Variants in CACNB4 observed in about 807,000 individuals in gnomAD.
The protein encoded by CACNB4 is voltage-dependent L-type calcium channel subunit beta-4.
A neutral mutation model predicts 71.2 loss-of-function variants in CACNB4; 32 were observed. The ratio of observed to expected loss-of-function variants is 0.45; its 90% confidence interval spans 0.34 to 0.60. The LOEUF (loss-of-function observed/expected upper bound fraction) is 0.60, where lower values mean the gene tolerates loss of function less well. CACNB4 is among the 20% of genes least tolerant of loss of function. The probability of loss-of-function intolerance (pLI) is 0.01; values close to 1 mark genes in which losing one functional copy is unlikely to be tolerated. For missense variants in CACNB4, 464 were observed against 647.9 expected, an observed-to-expected ratio of 0.72 and a Z score of 3.08; for synonymous variants, 231 against 236.9, an observed-to-expected ratio of 0.97 and a Z score of 0.23.
intron 2 of CACNB4, among the ~76,000 whole-genome samples, chr2:151,939,022 G>A (rs959227583): frequency 1.1e-4 from 17 of 152,176 alleles, no homozygotes; most frequent in African/African-American, 3.1e-4. Context: ...GTACTCCTAT[G>A]AGAATCAAAA....
intron 2 of CACNB4, among the ~76,000 whole-genome samples, chr2:151,938,274 C>A (rs2099863421): frequency 6.6e-6 from 1 of 152,190 alleles, no homozygotes; most frequent in South Asian, 2.1e-4. Context: ...AGCCACCTGG[C>A]CAACTATGTC....
At chr2:151,875,836 T>G (rs535596335) in intron 5 of CACNB4, among the ~76,000 whole-genome samples, 2 of 126,916 alleles carry the variant, frequency 1.6e-5, no homozygotes, top group East Asian at 5.5e-4. Flanking sequence ...GCGTCTCGCC[T>G]GGCGGGGGGC....
chr2:151,853,845 G>A (rs1227772213), intron 11 of CACNB4: 1 of 232,078 alleles, frequency 4.3e-6, no homozygotes, highest in Non-Finnish European at 8.3e-6. Context: ...GGAGTGGACT[G>A]TACCAGGTCA....
At chr2:151,977,398 C>T (rs1387518617) in intron 2 of CACNB4, among the ~76,000 whole-genome samples, 1 of 152,152 alleles carries the variant, frequency 6.6e-6, no homozygotes, top group East Asian at 1.9e-4. Context: ...AATGGCATGT[C>T]CCTCAACAAA....
chr2:151,940,078 T>C (rs769665491), intron 2 of CACNB4, among the ~76,000 whole-genome samples: 1 of 152,240 alleles, frequency 6.6e-6, no homozygotes, highest in Non-Finnish European at 1.5e-5. Context: ...TTAGTTTATC[T>C]ACATGATTGG....
intron 2 of CACNB4, among the ~76,000 whole-genome samples, chr2:151,963,732 C>A (rs1249101023): frequency 6.6e-6 from 1 of 152,082 alleles, no homozygotes; most frequent in Non-Finnish European, 1.5e-5. Context: ...TTCTAAGAAG[C>A]TGTTTTGGAG....
intron 12 of CACNB4, among the ~76,000 whole-genome samples, chr2:151,847,099 CA>C (rs397766580): frequency 0.055 from 4,405 of 79,768 alleles, 57 homozygotes; most frequent in African/African-American, 0.069. Context: ...AAACTGACAC[CA>C]AAAAAAAAAA....
At chr2:152,042,292 C>T (rs111835388) in intron 2 of CACNB4, among the ~76,000 whole-genome samples, 5 of 152,226 alleles carry the variant, frequency 3.3e-5, no homozygotes, top group Non-Finnish European at 7.3e-5. Context: ...ACCCTAGGAA[C>T]GCTTTCCAAT....
chr2:151,913,924 A>G (rs1287877697), intron 2 of CACNB4, among the ~76,000 whole-genome samples: 1 of 151,858 alleles, frequency 6.6e-6, no homozygotes, highest in Non-Finnish European at 1.5e-5. Context: ...CTTCATTTCA[A>G]CCTTGGAGAA....
intron 2 of CACNB4, among the ~76,000 whole-genome samples, chr2:152,056,072 GA>G (rs1169575393): frequency 3.3e-5 from 5 of 152,166 alleles, no homozygotes; most frequent in Non-Finnish European, 7.4e-5. Flanking sequence ...TTAGAAATTA[GA>G]TATTTTCGGC....
intron 2 of CACNB4, among the ~76,000 whole-genome samples, chr2:152,069,837 C>CTT (rs70974819): frequency 9.8e-4 from 97 of 98,654 alleles, no homozygotes; most frequent in Non-Finnish European, 1.3e-3. Context: ...CTTCATCAAT[C>CTT]TTTTTTTTTT....
intron 2 of CACNB4, among the ~76,000 whole-genome samples, chr2:152,029,669 C>T (rs1397697728): frequency 6.6e-6 from 1 of 152,028 alleles, no homozygotes; most frequent in Non-Finnish European, 1.5e-5. Context: ...GAAATCCTAA[C>T]CCCCACGGTG....
In CACNB4 at chr2:151,885,379, C is replaced by G. The variant is rs1206722164; in HGVS notation, c.148-2009G>C. Among the ~76,000 whole-genome samples the G allele has an allele frequency of 2.6e-5, 4 of 152,188 alleles. No individual in the cohort carries two copies. In the East Asian group the frequency reaches 7.7e-4, roughly 29 times the overall value. On this transcript the variant is annotated intron_variant, in intron 2 of 13. Coordinates refer to ENST00000539935, the MANE Select transcript of CACNB4 (RefSeq NM_000726.5). ...ACTTTATCTCACTGAATCCTTGCAG[C>G]AGTGGGAAGGCTGAGACTCAAACTC...
intron 4 of CACNB4, among the ~76,000 whole-genome samples, chr2:151,878,974 A>C (rs1219738322): frequency 5.9e-5 from 9 of 152,184 alleles, no homozygotes; most frequent in Non-Finnish European, 2.9e-5. Flanking sequence ...AACCTTGAAC[A>C]ATCTAGGTCT....
chr2:152,027,447 T>G (rs1393526379), intron 2 of CACNB4, among the ~76,000 whole-genome samples: 1 of 152,126 alleles, frequency 6.6e-6, no homozygotes, highest in East Asian at 1.9e-4. Context: ...CAAGTTATGG[T>G]CAGGAAAGCC....
At chr2:152,040,381 T>G (rs1684812005) in intron 2 of CACNB4, among the ~76,000 whole-genome samples, 1 of 152,172 alleles carries the variant, frequency 6.6e-6, no homozygotes, top group Admixed American at 6.5e-5. Context: ...GCCCTCACAT[T>G]TCACTGATAC....
rs35080979 is a variant in CACNB4, at chr2:151,861,842, C to CAAAAAAAAAAAAAAAAAAA, written c.759-1023_759-1022insTTTTTTTTTTTTTTTTTTT. ...TGGGAGACAGGGTGAGACCCTGTCTCAAAAAAAAAAAAAAAACTGAAGAAT... is the reference window on the plus strand; with the variant it reads ...TGGGAGACAGGGTGAGACCCTGTCTCAAAAAAAAAAAAAAAAAAAAAAAAAAAAAAAAAAACTGAAGAAT... On this transcript the variant is annotated intron_variant, in intron 9 of 13. Coordinates refer to ENST00000539935, the MANE Select transcript of CACNB4 (RefSeq NM_000726.5). 3 of 61,892 alleles carry CAAAAAAAAAAAAAAAAAAA rather than the reference C, an allele frequency of 4.8e-5. 1 individual carries two copies. Among genetic ancestry groups the CAAAAAAAAAAAAAAAAAAA allele is most frequent in the East Asian group, 5.0e-4 (1 of 1,984 alleles). The allele number at this position is 61,892 out of a possible 1,614,324, so 3.8% of individuals were successfully genotyped here.
chr2:152,021,824 C>T (rs1683683445), intron 2 of CACNB4, among the ~76,000 whole-genome samples: 1 of 152,166 alleles, frequency 6.6e-6, no homozygotes, highest in African/African-American at 2.4e-5. Context: ...CTTAATTCAA[C>T]TCTCACATCT....
chr2:151,871,749 T>C (rs1168790933), intron 6 of CACNB4: 2 of 152,644 alleles, frequency 1.3e-5, no homozygotes, highest in Admixed American at 6.5e-5. Flanking sequence ...AATTGGTAAC[T>C]AGGACACTGG....
Sources: allele counts gnomAD v4.1 joint callset (sites outside exome capture counted in the v4.1 genomes callset), GRCh38; gene constraint gnomAD v4.1.1; transcripts MANE v1.5; gene names NCBI Gene and HGNC (gene_info 2026-07-23, HGNC 2026-07-21).